The following LYPLAL1 variants were observed in gnomAD, a reference collection of about 807,000 sequenced individuals.
LYPLAL1 encodes lysophospholipase like 1.
Under a neutral mutation model 19.7 loss-of-function variants are expected in LYPLAL1, and 23 were observed. The ratio of observed to expected loss-of-function variants is 1.17; its 90% CI spans 0.84 to 1.65. The LOEUF (loss-of-function observed/expected upper bound fraction) is 1.65, where lower values mean the gene tolerates loss of function less well. Among genes scored for constraint, LYPLAL1 ranks in the 40% most tolerant of loss-of-function variants. The pLI is 0.00. For synonymous variants in LYPLAL1, 119 were observed against 96.3 expected, an observed-to-expected ratio of 1.24 and a Z score of -1.38; for missense variants, 355 against 279.4, an observed-to-expected ratio of 1.27 and a Z score of -1.93.
the LYPLAL1 span, among the ~76,000 whole-genome samples, chr1:219,405,937 G>C: frequency 5.0e-3 from 765 of 152,240 alleles, 9 homozygotes; most frequent in African/African-American, 0.017. Flanking sequence ...TTGGTATACT[G>C]GGTTGAGCAG....
At chr1:219,202,026 T>G (rs1341958762) in intron 3 of LYPLAL1, among the ~76,000 whole-genome samples, 1 of 152,204 alleles carries the variant, frequency 6.6e-6, no homozygotes, top group Non-Finnish European at 1.5e-5. Context: ...CATGTATGTA[T>G]TCCCTGAGTT....
chr1:219,412,091 C>G, the LYPLAL1 span, among the ~76,000 whole-genome samples: 35 of 152,232 alleles, frequency 2.3e-4, no homozygotes, highest in African/African-American at 7.9e-4. Context: ...CTCTGTCAGG[C>G]AGGCTAGAAT....
chr1:219,368,104 A>G, the LYPLAL1 span, among the ~76,000 whole-genome samples: 1 of 152,162 alleles, frequency 6.6e-6, no homozygotes, highest in African/African-American at 2.4e-5. Flanking sequence ...GTAAAAATCT[A>G]TCTCATTTGT....
chr1:219,420,184 T>C, the LYPLAL1 span, among the ~76,000 whole-genome samples: 1 of 152,186 alleles, frequency 6.6e-6, no homozygotes, highest in African/African-American at 2.4e-5. Context: ...AAGTAATAGA[T>C]GAAAGTCACT....
At chr1:219,271,281 T>G in the LYPLAL1 span, 2 of 152,164 alleles carry the variant, frequency 1.3e-5, no homozygotes. Context: ...GTGAAGATTC[T>G]GTGGGACATG....
At chr1:219,444,483 C>T in the LYPLAL1 span, among the ~76,000 whole-genome samples, 7 of 152,186 alleles carry the variant, frequency 4.6e-5, no homozygotes, top group Non-Finnish European at 1.0e-4. Flanking sequence ...GACTCCCACA[C>T]CTGTTCATCA....
the LYPLAL1 span, among the ~76,000 whole-genome samples, chr1:219,259,410 T>TATATATATATATATATATGTATATATAC: frequency 7.8e-3 from 7 of 892 alleles, no homozygotes; most frequent in Admixed American, 0.062. Flanking sequence ...TATATATACA[T>TATATATATATATATATATGTATATATAC]ATATATATAT....
At chr1:219,197,250 A>G (rs1390072261) in intron 3 of LYPLAL1, among the ~76,000 whole-genome samples, 1 of 152,130 alleles carries the variant, frequency 6.6e-6, no homozygotes, top group Non-Finnish European at 1.5e-5. Flanking sequence ...TACAGTAACC[A>G]AACAGCATGG....
At chr1:219,261,848 A>T in the LYPLAL1 span, among the ~76,000 whole-genome samples, 2 of 152,090 alleles carry the variant, frequency 1.3e-5, no homozygotes, top group African/African-American at 4.8e-5. Flanking sequence ...TTTGCAATGA[A>T]TTTCCCAGGT....
the LYPLAL1 span, among the ~76,000 whole-genome samples, chr1:219,354,257 C>T: frequency 1.3e-5 from 2 of 152,150 alleles, no homozygotes; most frequent in Non-Finnish European, 2.9e-5. Context: ...AGTGCAGTGG[C>T]GCAATCTTAG....
At chr1:219,304,536 G>T in the LYPLAL1 span, among the ~76,000 whole-genome samples, 1 of 152,230 alleles carries the variant, frequency 6.6e-6, no homozygotes, top group South Asian at 2.1e-4. Context: ...ACTTAGAGCA[G>T]GATGCTAGGT....
intron 1 of LYPLAL1, among the ~76,000 whole-genome samples, chr1:219,175,985 T>C (rs115518118): frequency 0.011 from 1,644 of 152,334 alleles, 32 homozygotes; most frequent in African/African-American, 0.037. Flanking sequence ...AATGGATAGA[T>C]GTTGTTTTGC....
At chr1:219,380,621 G>A in the LYPLAL1 span, among the ~76,000 whole-genome samples, 4 of 152,210 alleles carry the variant, frequency 2.6e-5, no homozygotes, top group Admixed American at 2.6e-4. Context: ...AACTTGCCTC[G>A]AAGGTGAAAC....
At chr1:219,325,645 AT>A in the LYPLAL1 span, among the ~76,000 whole-genome samples, 14 of 152,212 alleles carry the variant, frequency 9.2e-5, no homozygotes, top group South Asian at 2.5e-3. Flanking sequence ...CCACATACAT[AT>A]TTTTTCCTTC....
the LYPLAL1 span, among the ~76,000 whole-genome samples, chr1:219,225,850 TAGAC>T: frequency 6.6e-6 from 1 of 152,174 alleles, no homozygotes; most frequent in Non-Finnish European, 1.5e-5. Flanking sequence ...CACAGACAGA[TAGAC>T]ACACACACAT....
At chr1:219,258,103 T>C in the LYPLAL1 span, among the ~76,000 whole-genome samples, 1 of 152,108 alleles carries the variant, frequency 6.6e-6, no homozygotes, top group Admixed American at 6.6e-5. Flanking sequence ...GACCTTATGG[T>C]TGTCTTCCCT....
the LYPLAL1 span, among the ~76,000 whole-genome samples, chr1:219,341,433 A>T: frequency 6.6e-6 from 1 of 152,098 alleles, no homozygotes; most frequent in South Asian, 2.1e-4. Context: ...GCTGTTCCAT[A>T]AGCAACATGG....
At chr1:219,216,111 T>C (rs1235379684), downstream of LYPLAL1, among the ~76,000 whole-genome samples, 1 of 152,120 alleles carries the variant, frequency 6.6e-6, no homozygotes, top group Admixed American at 6.5e-5. Context: ...TCAGATACTG[T>C]TCATCTCTAG....
At chr1:219,191,268 A>G (rs1405010480) in intron 2 of LYPLAL1, among the ~76,000 whole-genome samples, 1 of 151,608 alleles carries the variant, frequency 6.6e-6, no homozygotes, top group African/African-American at 2.4e-5. Context: ...TTCCATAGGA[A>G]TAAAAGTTCC....
Sources: allele counts gnomAD v4.1 joint callset (sites outside exome capture counted in the v4.1 genomes callset), GRCh38; gene constraint gnomAD v4.1.1; transcripts MANE v1.5; gene names NCBI Gene and HGNC (gene_info 2026-07-23, HGNC 2026-07-21).